Variants in ERC2 observed in about 807,000 individuals in gnomAD.
ERC2 encodes the protein ERC protein 2.
Under a neutral mutation model 114.8 loss-of-function variants are expected in ERC2, and 42 were observed. The observed-to-expected ratio is 0.37, with a 90% CI of 0.29 to 0.47. The LOEUF (loss-of-function observed/expected upper bound fraction) is 0.47. ERC2 is among the 20% of genes least tolerant of loss of function. The pLI is 0.99. For synonymous variants in ERC2, 454 were observed against 425.5 expected, an observed-to-expected ratio of 1.07 and a Z score of -0.82; for missense variants, 939 against 1,150.7, an observed-to-expected ratio of 0.82 and a Z score of 2.66.
intron 2 of ERC2, among the ~76,000 whole-genome samples, chr3:56,353,553 G>A (rs887509572): frequency 6.7e-6 from 1 of 149,620 alleles, no homozygotes; most frequent in Non-Finnish European, 1.5e-5. Context: ...ACTATCGCAA[G>A]GACAAAAAAC....
intron 14 of ERC2, among the ~76,000 whole-genome samples, chr3:55,761,705 G>T (rs1318784038): frequency 6.6e-6 from 1 of 152,032 alleles, no homozygotes. Context: ...AGGGACACAT[G>T]GTAGTGAGTG....
intron 1 of ERC2, among the ~76,000 whole-genome samples, chr3:56,437,483 C>T (rs566204187): frequency 6.6e-6 from 1 of 152,330 alleles, no homozygotes; most frequent in East Asian, 1.9e-4. Context: ...CTATAAATTT[C>T]CTTTTTGCTA....
rs71887711 is a variant in ERC2, at chr3:55,875,724, ACTCT to A, written c.2564+12661_2564+12664del. ...CACACACACACACACACACACACAC[ACTCT>A]CTCTCTCTCACCCCTCTTCCCACAT... On this transcript the variant is annotated intron_variant, in intron 14 of 17. Transcript: ENST00000288221. Among the ~76,000 whole-genome samples, 187 of 141,086 alleles carry A rather than the reference ACTCT, an allele frequency of 1.3e-3. 2 individuals carry two copies. Among genetic ancestry groups the A allele is most frequent in the African/African-American group, 4.0e-3 (143 of 36,138 alleles). 92.6% of individuals were successfully genotyped at this position (141,086 alleles called of 152,430 possible). A position where few individuals can be genotyped will look rare whatever the true frequency, so the allele number is the denominator to read the frequency against.
intron 2 of ERC2, among the ~76,000 whole-genome samples, chr3:56,327,915 C>T (rs543771469): frequency 1.1e-4 from 17 of 152,296 alleles, no homozygotes; most frequent in African/African-American, 3.6e-4. Flanking sequence ...TCACAAACTA[C>T]ATGTGGTTGA....
intron 2 of ERC2, among the ~76,000 whole-genome samples, chr3:56,304,558 AGG>A (rs2056096598): frequency 7.5e-6 from 1 of 134,118 alleles, no homozygotes; most frequent in Non-Finnish European, 1.6e-5. Context: ...CAAAGCTAGT[AGG>A]CATGAACTAT....
chr3:55,623,522 A>T (rs1261170167), intron 17 of ERC2, among the ~76,000 whole-genome samples: 1 of 152,022 alleles, frequency 6.6e-6, no homozygotes, highest in African/African-American at 2.4e-5. Context: ...AGTAAACAAC[A>T]TTTTTCCACC....
intron 2 of ERC2, among the ~76,000 whole-genome samples, chr3:56,416,675 A>AC (rs1436661647): frequency 2.0e-5 from 3 of 151,520 alleles, no homozygotes; most frequent in African/African-American, 7.3e-5. Context: ...AAAAAAAAAA[A>AC]AAAAAACTCC....
At chr3:55,626,983 T>C (rs972265682) in intron 17 of ERC2, among the ~76,000 whole-genome samples, 1 of 152,246 alleles carries the variant, frequency 6.6e-6, no homozygotes, top group Non-Finnish European at 1.5e-5. Context: ...GTGGGAATCA[T>C]CCCAGAAATA....
chr3:56,053,018 C>T (rs542453052), intron 7 of ERC2, among the ~76,000 whole-genome samples: 3 of 152,290 alleles, frequency 2.0e-5, no homozygotes, highest in African/African-American at 7.2e-5. Flanking sequence ...AAGCTGAACA[C>T]ATGGCAAGCT....
intron 17 of ERC2, among the ~76,000 whole-genome samples, chr3:55,630,163 T>C (rs2059688752): frequency 6.6e-6 from 1 of 152,196 alleles, no homozygotes; most frequent in Admixed American, 6.5e-5. Flanking sequence ...AGACACTTTT[T>C]GTTTTGTTTT....
intron 10 of ERC2, among the ~76,000 whole-genome samples, chr3:55,992,501 G>C (rs577302285): frequency 6.6e-6 from 1 of 152,164 alleles, no homozygotes; most frequent in Non-Finnish European, 1.5e-5. Context: ...TCCATTAAAT[G>C]TTGCTACTTT....
intron 6 of ERC2, among the ~76,000 whole-genome samples, chr3:56,134,916 T>C (rs910328128): frequency 4.7e-5 from 5 of 106,780 alleles, no homozygotes; most frequent in Non-Finnish European, 1.0e-4. Context: ...CTCTCTTTTT[T>C]TTTGTTTTTT....
At chr3:55,667,976 C>A (rs1050644999) in intron 17 of ERC2, among the ~76,000 whole-genome samples, 13 of 152,162 alleles carry the variant, frequency 8.5e-5, no homozygotes, top group African/African-American at 3.1e-4. Flanking sequence ...CTGGCCTCTA[C>A]CTACTGGATG....
intron 5 of ERC2, among the ~76,000 whole-genome samples, chr3:56,144,248 C>T (rs745478024): frequency 6.6e-6 from 1 of 152,040 alleles, no homozygotes; most frequent in Admixed American, 6.6e-5. Flanking sequence ...TTATGTGGAA[C>T]AAAAGTAAGA....
chr3:55,877,921 T>C (rs1291372882), intron 14 of ERC2, among the ~76,000 whole-genome samples: 1 of 152,180 alleles, frequency 6.6e-6, no homozygotes, highest in East Asian at 1.9e-4. Context: ...CCTACAGTAT[T>C]AGATCAGGTA....
At chr3:55,898,878 A>G (rs1412109764) in intron 13 of ERC2, among the ~76,000 whole-genome samples, 1 of 152,218 alleles carries the variant, frequency 6.6e-6, no homozygotes, top group Non-Finnish European at 1.5e-5. Context: ...AATTCCAAAC[A>G]TAAAGATGAA....
In ERC2 at chr3:55,691,573, AATATATATATATAT is replaced by A. The variant is rs1292437178; in HGVS notation, c.2848-7728_2848-7715del. ...AAAAAAAAAAAAAAAAAAAAAAAAAAATATATATATATATATATATATATATATACTGTCTCTTA... is the reference window on the plus strand; with the variant it reads ...AAAAAAAAAAAAAAAAAAAAAAAAAAATATATATATATATACTGTCTCTTA... On this transcript the variant is annotated intron_variant, in intron 16 of 17. Coordinates refer to ENST00000288221, the MANE Select transcript of ERC2 (RefSeq NM_015576.3). Among the ~76,000 whole-genome samples, 188 of 39,730 alleles carry A rather than the reference AATATATATATATAT, an allele frequency of 4.7e-3. 1 individual carries two copies. Among genetic ancestry groups the A allele is most frequent in the African/African-American group, 0.016 (174 of 10,732 alleles). The allele number at this position is 39,730 out of a possible 152,430, so 26.1% of individuals were successfully genotyped here. A position where few individuals can be genotyped will look rare whatever the true frequency, so the allele number is the denominator to read the frequency against.
At chr3:56,311,247 CTCTCTCTCTATATATATATA>C (rs1480587845) in intron 2 of ERC2, among the ~76,000 whole-genome samples, 50 of 34,720 alleles carry the variant, frequency 1.4e-3, no homozygotes, top group African/African-American at 4.2e-3. Flanking sequence ...CTCTCTCTCT[CTCTCTCTCTATATATATATA>C]TATATATATA....
chr3:56,421,944 G>C (rs1053123531), intron 2 of ERC2, among the ~76,000 whole-genome samples: 2 of 151,920 alleles, frequency 1.3e-5, no homozygotes, highest in African/African-American at 4.8e-5. Flanking sequence ...TTCTCAAAAA[G>C]AACAAAAAAG....
Sources: allele counts gnomAD v4.1 joint callset (sites outside exome capture counted in the v4.1 genomes callset), GRCh38; gene constraint gnomAD v4.1.1; transcripts MANE v1.5; gene names NCBI Gene and HGNC (gene_info 2026-07-23, HGNC 2026-07-21).